The following FRRS1 variants were observed in gnomAD, a reference collection of about 807,000 sequenced individuals.
The protein encoded by FRRS1 is ferric reductase 1.
Under a neutral mutation model 70.7 loss-of-function variants are expected in FRRS1, and 51 were observed. The observed-to-expected ratio is 0.72, with a 90% CI of 0.58 to 0.91. The LOEUF (loss-of-function observed/expected upper bound fraction) is 0.91, where lower values mean the gene tolerates loss of function less well. FRRS1 is among the 40% of genes least tolerant of loss of function. FRRS1 has a pLI of 0.00. For missense variants in FRRS1, 672 were observed against 726.0 expected (o/e 0.93, Z 0.86); for synonymous variants, 225 against 238.7 (o/e 0.94, Z 0.53).
At chr1:99,763,579 A>G (rs963827827) in intron 1 of FRRS1, among the ~76,000 whole-genome samples, 4 of 152,174 alleles carry the variant, frequency 2.6e-5, no homozygotes, top group Admixed American at 2.6e-4. Flanking sequence ...CTAGAAATGT[A>G]TCTTACAGTT....
chr1:99,738,454 T>C (rs555982125), intron 6 of FRRS1, among the ~76,000 whole-genome samples, 186 bp from the exon 7 acceptor site: 1 of 152,338 alleles, frequency 6.6e-6, no homozygotes, highest in East Asian at 1.9e-4. Flanking sequence ...GAGCAGTAGT[T>C]AGGTTATGAA....
chr1:99,721,015 A>T (rs1428340092), intron 9 of FRRS1, among the ~76,000 whole-genome samples: 2 of 152,194 alleles, frequency 1.3e-5, no homozygotes, highest in African/African-American at 4.8e-5. Context: ...AGTCCTCTAA[A>T]AGGATAATTA....
chr1:99,736,178 A>T (rs1655647217), intron 7 of FRRS1, among the ~76,000 whole-genome samples: 1 of 152,192 alleles, frequency 6.6e-6, no homozygotes, highest in Non-Finnish European at 1.5e-5. Context: ...TACACTAAAC[A>T]TTGTTCATTT....
chr1:99,730,634 A>G (rs11166310), intron 7 of FRRS1, among the ~76,000 whole-genome samples: 3,677 of 152,156 alleles, frequency 0.024, 130 homozygotes, highest in Admixed American at 0.086. Context: ...TTGGGAGGCC[A>G]AGGCGGGCAG....
intron 9 of FRRS1, among the ~76,000 whole-genome samples, chr1:99,727,565 G>A (rs1364708395): frequency 1.3e-5 from 2 of 152,182 alleles, no homozygotes; most frequent in African/African-American, 4.8e-5. Context: ...ACCAAGAGCA[G>A]AAAATCTAAA....
intron 9 of FRRS1, among the ~76,000 whole-genome samples, chr1:99,727,922 C>A (rs960334033): frequency 6.6e-6 from 1 of 152,194 alleles, no homozygotes; most frequent in Non-Finnish European, 1.5e-5. Flanking sequence ...ATCAGAGTCA[C>A]GTAGAAAGAT....
intron 3 of FRRS1, 147 bp from the exon 4 acceptor site, chr1:99,747,577 T>G: frequency 3.6e-5 from 25 of 699,790 alleles, no homozygotes; most frequent in Non-Finnish European, 5.5e-5. Context: ...AAAGAAGCTC[T>G]AAACTTTTTC....
At chr1:99,719,463 C>A in intron 10 of FRRS1, 71 bp downstream of exon 10, 1 of 798,644 alleles carries the variant, frequency 1.3e-6, no homozygotes, top group East Asian at 2.5e-5. Flanking sequence ...TACCCACAGC[C>A]ATTCCTAATC....
intron 1 of FRRS1, among the ~76,000 whole-genome samples, chr1:99,757,613 T>A (rs1432633810): frequency 6.6e-6 from 1 of 152,214 alleles, no homozygotes; most frequent in African/African-American, 2.4e-5. Flanking sequence ...AATCCTTAAG[T>A]CACTTGGAAG....
rs186638291 is a variant in FRRS1, at chr1:99,760,698, G to A, written c.-106+5909C>T. On this transcript the variant is annotated intron_variant, in intron 1 of 16. Coordinates refer to ENST00000646001, the MANE Select transcript of FRRS1 (RefSeq NM_001361041.2). ...GGAGTCTCGCTCTGTCGCCCAGGCTGGAGTACCATGGTGTGATCTTAGCTC... is the reference window on the plus strand; with the variant it reads ...GGAGTCTCGCTCTGTCGCCCAGGCTAGAGTACCATGGTGTGATCTTAGCTC... Among the ~76,000 whole-genome samples the A allele has an allele frequency of 1.4e-4, 21 of 152,246 alleles. No homozygotes were observed. The East Asian group carries it at 4.1e-3, about 29-fold the overall frequency.
chr1:99,722,913 CT>C (rs1392061929), intron 9 of FRRS1, among the ~76,000 whole-genome samples: 2 of 152,068 alleles, frequency 1.3e-5, no homozygotes, highest in Admixed American at 6.6e-5. Context: ...TGACATTTAT[CT>C]AGAAAAATCC....
chr1:99,713,070 T>C (rs1654351391), intron 12 of FRRS1, among the ~76,000 whole-genome samples: 1 of 152,152 alleles, frequency 6.6e-6, no homozygotes, highest in Non-Finnish European at 1.5e-5. Flanking sequence ...TAATAAAAAA[T>C]AAAACAGCAG....
Position 99,738,172 on chromosome 1 carries a change from T to C in FRRS1, c.673A>G (p.Thr225Ala), listed in dbSNP as rs374050275. ...ACCATCACCGATTGGTCATCTCTTG[T>C]GAAGGACAAGAAGACACAGGAAGCC... ...KEASCVFLSF[T>A]RDDQSVMVEM... Residue 225 changes from threonine (T) to alanine (A), a missense_variant, in exon 7 of 17, where the codon ACA (threonine) becomes GCA (alanine). Coordinates refer to ENST00000646001, the MANE Select transcript of FRRS1 (RefSeq NM_001361041.2). 7 of 1,613,812 alleles carry C rather than the reference T, an allele frequency of 4.3e-6. No individual in the cohort carries two copies. In the African/African-American group the frequency reaches 5.3e-5, roughly 12 times the overall value.
chr1:99,710,830 G>A lies in FRRS1; in HGVS notation c.1600C>T (p.His534Tyr). 6.2e-7 allele frequency: 1 copy of A among 1,613,918 alleles called. No homozygotes were observed. The highest frequency in any genetic ancestry group is 1.1e-5 in the South Asian group (1 of 91,030). The change falls in exon 15 of 17, where the codon CAT becomes TAT. Residue 534 changes from histidine (H) to tyrosine (Y), a missense_variant. By Grantham distance (83) the His-to-Tyr change is moderately conservative (BLOSUM62 2). Transcript: ENST00000646001. ...CCTTTGCGAGAGAGCCGATAAGCAT[G>A]TACCTCCAGAACAACCTCAGTCCCA... The part of the protein sequence containing the change: ...HVGTEVVLEV[H>Y]AYRLSRKVEI...
At chr1:99,733,821 T>C (rs1021931887) in intron 7 of FRRS1, among the ~76,000 whole-genome samples, 1 of 152,196 alleles carries the variant, frequency 6.6e-6, no homozygotes, top group South Asian at 2.1e-4. Flanking sequence ...TTACAGGCTA[T>C]TGGGGAACAG....
At chr1:99,744,878 G>C (rs1221139535) in intron 4 of FRRS1, among the ~76,000 whole-genome samples, 1 of 150,732 alleles carries the variant, frequency 6.6e-6, no homozygotes, top group Non-Finnish European at 1.5e-5. Context: ...GCTGAGGCAG[G>C]AGAATGGCGT....
intron 4 of FRRS1, among the ~76,000 whole-genome samples, chr1:99,745,452 G>C (rs1012970784): frequency 2.6e-5 from 4 of 152,172 alleles, no homozygotes; most frequent in African/African-American, 9.7e-5. Context: ...GGGAGGCCGA[G>C]GCGGGAGGAT....
chr1:99,737,085 C>A (rs1343032283), intron 7 of FRRS1, among the ~76,000 whole-genome samples: 1 of 152,024 alleles, frequency 6.6e-6, no homozygotes, highest in African/African-American at 2.4e-5. Context: ...TTCTGGTCAT[C>A]CCTATGCCCC....
In FRRS1 at chr1:99,748,932, G is replaced by A; in HGVS notation, c.-36C>T. The A allele has an allele frequency of 1.9e-6, 1 of 526,570 alleles. No homozygotes were observed. Among genetic ancestry groups the A allele is most frequent in the East Asian group, 3.1e-5 (1 of 32,214 alleles). 32.6% of individuals were successfully genotyped at this position (526,570 alleles called of 1,614,324 possible). On this transcript the variant is annotated 5_prime_UTR_variant, in exon 2 of 17. Transcript: ENST00000646001. Reference sequence around the variant, plus strand: ...GAATGTGATATGTGAAGTTTCACCCGAATTTCAATCTCAGCTCTACAAATT... The same window carrying A: ...GAATGTGATATGTGAAGTTTCACCCAAATTTCAATCTCAGCTCTACAAATT...
Sources: gnomAD v4.1 joint callset for allele counts (sites outside exome capture counted in the v4.1 genomes callset) on GRCh38, gnomAD v4.1.1 for gene constraint, MANE v1.5 for transcripts, NCBI Gene and HGNC (gene_info 2026-07-23, HGNC 2026-07-21) for gene names.